Variants in SAMD7 observed in about 807,000 individuals in gnomAD.
SAMD7 encodes the protein sterile alpha motif domain-containing protein 7.
A neutral mutation model predicts 36.7 loss-of-function variants in SAMD7; 34 were observed. That is an observed-to-expected ratio of 0.93 (90% confidence interval 0.71 to 1.23). The LOEUF is 1.23. Ranked by LOEUF, SAMD7 falls within the 50% of genes most tolerant of loss-of-function variation. The pLI is 0.00. For synonymous variants in SAMD7, 188 were observed against 189.7 expected (o/e 0.99, Z 0.07); for missense variants, 570 against 546.6 (o/e 1.04, Z -0.43).
intron 8 of SAMD7, among the ~76,000 whole-genome samples, chr3:169,937,662 T>C (rs1364822478): frequency 6.6e-6 from 1 of 152,222 alleles, no homozygotes; most frequent in Non-Finnish European, 1.5e-5. Flanking sequence ...CTATCACTGA[T>C]GGGCATTTGG....
At position 169,938,844 on chromosome 3, in the gene SAMD7, AT is replaced by A; in HGVS notation, c.*342del. On this transcript the variant is annotated 3_prime_UTR_variant, in exon 9 of 9. Transcript: ENST00000335556. The stretch of plus-strand genomic sequence containing the variant: ...AAGAGCTCCCTCCCTTTTTTCACTC[AT>A]TTTCCATTCCCAAACCCTGAAAGAG... 1 of 185,754 alleles carries A rather than the reference AT, an allele frequency of 5.4e-6. No individual in the cohort carries two copies. 11.5% of individuals were successfully genotyped at this position (185,754 alleles called of 1,614,324 possible). A position where few individuals can be genotyped will look rare whatever the true frequency, so the allele number is the denominator to read the frequency against.
rs746921259 is a variant in SAMD7, at chr3:169,925,157, T to G, written c.290+21T>G. On this transcript the variant is annotated intron_variant, in intron 5 of 8. Transcript: ENST00000335556. ...GCCAGGTAATTTGGCAATGTTGTTT[T>G]ATTTATTCTCTATTCATTCACTTGC... 3 of 1,533,306 alleles carry G rather than the reference T, an allele frequency of 2.0e-6. No homozygotes were observed. In the African/African-American group the frequency reaches 4.1e-5, roughly 21 times the overall value. The allele number at this position is 1,533,306 out of a possible 1,614,324, so 95.0% of individuals were successfully genotyped here.
In SAMD7 at chr3:169,927,054, G is replaced by C. The variant is rs559397803; in HGVS notation, c.792G>C (p.Gly264=). ...ELEPTHRKPW[G]SHTTTLKAKA... ...AGCCCACCCATAGGAAACCCTGGGGGTCTCACACCACTACCCTGAAAGCAA... is the reference window on the plus strand; with the variant it reads ...AGCCCACCCATAGGAAACCCTGGGGCTCTCACACCACTACCCTGAAAGCAA... The change falls in exon 6 of 9, where the codon GGG becomes GGC. Residue 264 remains glycine (G), a synonymous_variant. Coordinates refer to ENST00000335556, the MANE Select transcript of SAMD7 (RefSeq NM_001304366.2). The C allele has an allele frequency of 6.2e-7, 1 of 1,612,598 alleles. No individual in the cohort carries two copies. Among genetic ancestry groups the C allele is most frequent in the Admixed American group, 1.7e-5 (1 of 59,538 alleles).
rs1713190052 is a variant in SAMD7 at position 169,924,882 on chromosome 3, G to GT, written c.212-175dup. On this transcript the variant is annotated intron_variant, in intron 4 of 8. Coordinates refer to ENST00000335556, the MANE Select transcript of SAMD7 (RefSeq NM_001304366.2). ...TGGTATTTGTCATGCTGTCACCAACGTGACTCTAAGATACCGAACTGCAAT... is the reference window on the plus strand; with the variant it reads ...TGGTATTTGTCATGCTGTCACCAACGTTGACTCTAAGATACCGAACTGCAAT... Among the ~76,000 whole-genome samples, 3 of 150,608 alleles carry GT rather than the reference G, an allele frequency of 2.0e-5. No homozygotes were observed. In the South Asian group the frequency reaches 6.3e-4, roughly 31 times the overall value.
intron 7 of SAMD7, among the ~76,000 whole-genome samples, chr3:169,931,435 G>A (rs973392706): frequency 6.6e-6 from 1 of 151,762 alleles, no homozygotes; most frequent in South Asian, 2.1e-4. Flanking sequence ...ATTTATCCAC[G>A]TGGTTCCTCC....
At chr3:169,913,431 G>A (rs929842879) in intron 1 of SAMD7, among the ~76,000 whole-genome samples, 5 of 152,212 alleles carry the variant, frequency 3.3e-5, no homozygotes, top group African/African-American at 1.2e-4. Flanking sequence ...TTTAGTTCAT[G>A]AAGTTCATGT....
At chr3:169,913,682 A>C (rs974076952) in intron 1 of SAMD7, among the ~76,000 whole-genome samples, 10 of 152,296 alleles carry the variant, frequency 6.6e-5, no homozygotes, top group Middle Eastern at 3.4e-3. Context: ...CTGCACTGAA[A>C]ATTTATATTC....
rs1168136681 is a variant in SAMD7 at position 169,919,497 on chromosome 3, T to A, written c.-2T>A. 9 of 1,613,768 alleles carry A rather than the reference T, an allele frequency of 5.6e-6. No individual in the cohort carries two copies. Among genetic ancestry groups the A allele is most frequent in the Middle Eastern group, 3.3e-4 (2 of 6,062 alleles). On this transcript the variant is annotated 5_prime_UTR_variant, in exon 3 of 9. Transcript: ENST00000335556. Reference sequence around the variant, plus strand: ...CGAGAGATATTGAAGACAAACCCGGTGATGGCTGTGAACCCTTTATTGACA... The same window carrying A: ...CGAGAGATATTGAAGACAAACCCGGAGATGGCTGTGAACCCTTTATTGACA...
rs958009146 is a variant in SAMD7, at chr3:169,911,839, C to T, written c.-117+18C>T. ...TAGAGGATGTAAGTATGTAACTCTA[C>T]ACATTGATTAGCCCAAAATTGAGGC... is the stretch of plus-strand genomic sequence containing the variant. On this transcript the variant is annotated intron_variant, in intron 1 of 8. Transcript: ENST00000335556. 2 of 152,186 alleles carry T rather than the reference C, an allele frequency of 1.3e-5. No homozygotes were observed. Among genetic ancestry groups the T allele is most frequent in the Non-Finnish European group, 2.9e-5 (2 of 68,034 alleles). 9.4% of individuals were successfully genotyped at this position (152,186 alleles called of 1,614,324 possible).
chr3:169,936,283 G>A, intron 7 of SAMD7, 56 bp from the exon 8 acceptor site: 1 of 1,125,148 alleles, frequency 8.9e-7, no homozygotes, highest in East Asian at 2.4e-5. Context: ...GGTGGTAAAA[G>A]AACTTTTTCA....
At chr3:169,929,878 T>A (rs191018978) in intron 7 of SAMD7, among the ~76,000 whole-genome samples, 1 of 152,364 alleles carries the variant, frequency 6.6e-6, no homozygotes, top group East Asian at 1.9e-4. Flanking sequence ...CCCTGTTCAA[T>A]GGTTATAACC....
chr3:169,925,342 ACTTT>A (rs959743562), intron 5 of SAMD7, among the ~76,000 whole-genome samples: 1 of 151,212 alleles, frequency 6.6e-6, no homozygotes, highest in Non-Finnish European at 1.5e-5. Context: ...CTATTCCTTT[ACTTT>A]CTTAATAAAC....
At chr3:169,921,005 T>C (rs1383979158) in intron 3 of SAMD7, among the ~76,000 whole-genome samples, 1 of 152,230 alleles carries the variant, frequency 6.6e-6, no homozygotes, top group Non-Finnish European at 1.5e-5. Context: ...TGTTGTCAGC[T>C]GGGTCAATCC....
At chr3:169,924,709 G>A (rs560420981) in intron 4 of SAMD7, among the ~76,000 whole-genome samples, 1 of 152,258 alleles carries the variant, frequency 6.6e-6, no homozygotes, top group African/African-American at 2.4e-5. Flanking sequence ...AAAACATCAA[G>A]TGGTACCCAA....
chr3:169,927,707 T>C (rs371891528), intron 6 of SAMD7, among the ~76,000 whole-genome samples: 1 of 152,170 alleles, frequency 6.6e-6, no homozygotes, highest in East Asian at 1.9e-4. Context: ...TATTTTGCTA[T>C]ATAGAGAATT....
At chr3:169,921,766 T>C (rs776431443) in intron 4 of SAMD7, among the ~76,000 whole-genome samples, 2 of 152,172 alleles carry the variant, frequency 1.3e-5, no homozygotes, top group African/African-American at 2.4e-5. Context: ...CTGACTTAAA[T>C]GTTACCAGAA....
intron 4 of SAMD7, among the ~76,000 whole-genome samples, chr3:169,924,414 C>T (rs1713171722): frequency 6.6e-6 from 1 of 151,852 alleles, no homozygotes; most frequent in African/African-American, 2.4e-5. Flanking sequence ...TGGTGAAACC[C>T]CATTTCTACT....
At chr3:169,925,316 A>G (rs1216847406) in intron 5 of SAMD7, among the ~76,000 whole-genome samples, 180 bp downstream of exon 5, 4 of 152,102 alleles carry the variant, frequency 2.6e-5, no homozygotes, top group African/African-American at 9.7e-5. Flanking sequence ...TGCTCTGCCT[A>G]TGGGGTAGCC....
Position 169,926,810 on chromosome 3 carries a change from G to C in SAMD7, c.548G>C (p.Arg183Pro). The change falls in exon 6 of 9, where the codon CGA (arginine) becomes CCA (proline). Residue 183 changes from arginine to proline, a missense_variant. Arg to Pro is a moderately radical substitution (Grantham distance 103, BLOSUM62 -2). Transcript: ENST00000335556. ...FEESWGQRCR[R>P]LRKNTGNQKA... ...GAGAGCTGGGGGCAGAGATGTCGTC[G>C]ACTCAGGAAAAATACAGGGAATCAA... 1.2e-6 allele frequency: 2 copies of C among 1,613,724 alleles called. No homozygotes were observed. The highest frequency in any genetic ancestry group is 1.1e-5 in the South Asian group (1 of 91,038).
Sources: allele counts gnomAD v4.1 joint callset (sites outside exome capture counted in the v4.1 genomes callset), GRCh38; gene constraint gnomAD v4.1.1; transcripts MANE v1.5; gene names NCBI Gene and HGNC (gene_info 2026-07-23, HGNC 2026-07-21).